The following CSGALNACT1 variants were observed in gnomAD, a reference collection of about 807,000 sequenced individuals.
The protein encoded by CSGALNACT1 is beta4GalNAcT-1.
In CSGALNACT1, 52 loss-of-function variants were observed where a neutral mutation model predicts 51.0. That is an observed-to-expected ratio of 1.02 (90% CI 0.82 to 1.29). The LOEUF is 1.29. CSGALNACT1 is among the 50% of genes most tolerant of loss of function. The pLI is 0.00. For missense variants in CSGALNACT1, 935 were observed against 679.2 expected, an observed-to-expected ratio of 1.38 and a Z score of -4.19; for synonymous variants, 341 against 254.4, an observed-to-expected ratio of 1.34 and a Z score of -3.24.
intron 3 of CSGALNACT1, among the ~76,000 whole-genome samples, chr8:19,551,237 T>C (rs1166253211): frequency 6.6e-6 from 1 of 152,194 alleles, no homozygotes; most frequent in East Asian, 1.9e-4. Flanking sequence ...CAGACAGCAG[T>C]CTGAGTAGGA....
intron 1 of CSGALNACT1, among the ~76,000 whole-genome samples, chr8:19,655,953 T>A (rs1195530359): frequency 1.3e-5 from 2 of 152,066 alleles, no homozygotes; most frequent in African/African-American, 4.8e-5. Flanking sequence ...GGGGTTAGAA[T>A]TGGGGGATTC....
At chr8:19,428,610 C>A (rs1452678767) in intron 6 of CSGALNACT1, among the ~76,000 whole-genome samples, 1 of 152,134 alleles carries the variant, frequency 6.6e-6, no homozygotes, top group Non-Finnish European at 1.5e-5. Flanking sequence ...CCTCAAAAAG[C>A]CTGGGTAAGC....
chr8:19,690,683 G>C (rs943327783), intron 1 of CSGALNACT1, among the ~76,000 whole-genome samples: 3 of 152,188 alleles, frequency 2.0e-5, no homozygotes, highest in South Asian at 2.1e-4. Context: ...TTTGCAGATG[G>C]AGCAATAACG....
chr8:19,640,716 G>C (rs1320800651), intron 1 of CSGALNACT1, among the ~76,000 whole-genome samples: 1 of 152,092 alleles, frequency 6.6e-6, no homozygotes, highest in African/African-American at 2.4e-5. Context: ...CATGAAATTT[G>C]GTCTTTGCCT....
Position 19,714,213 on chromosome 8 carries a change from T to A in CSGALNACT1, c.-297+43637A>T, listed in dbSNP as rs990078958. On this transcript the variant is annotated intron_variant, in intron 1 of 1. Coordinates refer to the CSGALNACT1 transcript ENST00000517494. Reference sequence around the variant, plus strand: ...TTTGTTGTCTGCTGTGTAACCTAACTCCAGCCCTCTAATTTTTCTCCTTGA... The same window carrying A: ...TTTGTTGTCTGCTGTGTAACCTAACACCAGCCCTCTAATTTTTCTCCTTGA... 3.3e-5 allele frequency among the ~76,000 whole-genome samples: 5 copies of A among 152,222 alleles called. No individual in the cohort carries two copies. In the East Asian group the frequency reaches 9.6e-4, roughly 29 times the overall value.
intron 1 of CSGALNACT1, among the ~76,000 whole-genome samples, chr8:19,747,654 C>T (rs957594707): frequency 2.4e-4 from 36 of 152,124 alleles, no homozygotes; most frequent in Non-Finnish European, 4.4e-4. Flanking sequence ...TGAATCAATT[C>T]ACAGTCCACA....
chr8:19,517,629 T>C (rs2079827622), intron 3 of CSGALNACT1, among the ~76,000 whole-genome samples: 1 of 151,994 alleles, frequency 6.6e-6, no homozygotes, highest in Non-Finnish European at 1.5e-5. Flanking sequence ...TGGGGAGGCC[T>C]CACAATCATG....
At chr8:19,622,226 C>G (rs999386606) in intron 1 of CSGALNACT1, among the ~76,000 whole-genome samples, 1 of 152,192 alleles carries the variant, frequency 6.6e-6, no homozygotes, top group African/African-American at 2.4e-5. Flanking sequence ...ATTTGTTGAA[C>G]TTGACTAAAC....
chr8:19,688,402 C>A (rs1389729939), intron 1 of CSGALNACT1, among the ~76,000 whole-genome samples: 1 of 152,122 alleles, frequency 6.6e-6, no homozygotes, highest in Admixed American at 6.5e-5. Flanking sequence ...AGTGGCCACA[C>A]CCTGAAGGGG....
At chr8:19,462,652 C>G (rs979515048) in intron 4 of CSGALNACT1, among the ~76,000 whole-genome samples, 1 of 152,204 alleles carries the variant, frequency 6.6e-6, no homozygotes, top group African/African-American at 2.4e-5. Context: ...AGCACCCAGG[C>G]TCACCCCACA....
intron 3 of CSGALNACT1, among the ~76,000 whole-genome samples, chr8:19,561,495 C>T (rs1229609017): frequency 2.0e-5 from 3 of 152,024 alleles, no homozygotes; most frequent in African/African-American, 7.3e-5. Flanking sequence ...AGGCTCTTCA[C>T]TTGCAAGCCC....
chr8:19,559,667 G>A (rs951616066), intron 3 of CSGALNACT1, among the ~76,000 whole-genome samples: 5 of 151,944 alleles, frequency 3.3e-5, no homozygotes, highest in South Asian at 2.1e-4. Context: ...AAAGCAAACC[G>A]AAAATGAAAT....
chr8:19,632,669 T>G (rs2975421), intron 1 of CSGALNACT1, among the ~76,000 whole-genome samples: 16,452 of 152,250 alleles, frequency 0.11, 1,087 homozygotes, highest in Non-Finnish European at 0.15. Flanking sequence ...ACTGAAATAC[T>G]CACATCTCAG....
At chr8:19,678,909 T>C (rs1589461290) in intron 1 of CSGALNACT1, 3 of 152,150 alleles carry the variant, frequency 2.0e-5, no homozygotes, top group Admixed American at 2.0e-4. Flanking sequence ...CCAATGCAAT[T>C]AGTGGTTACT....
At chr8:19,423,230 T>C (rs528210783) in intron 6 of CSGALNACT1, among the ~76,000 whole-genome samples, 2 of 152,324 alleles carry the variant, frequency 1.3e-5, no homozygotes, top group South Asian at 2.1e-4. Flanking sequence ...AATCTCCCCC[T>C]TGAACAGCCT....
chr8:19,708,196 C>T (rs1225973135), intron 1 of CSGALNACT1, among the ~76,000 whole-genome samples: 1 of 152,108 alleles, frequency 6.6e-6, no homozygotes, highest in Admixed American at 6.5e-5. Flanking sequence ...TTTATTTTGA[C>T]ATTCTAATGG....
intron 4 of CSGALNACT1, among the ~76,000 whole-genome samples, chr8:19,504,375 C>G (rs1306925870): frequency 6.6e-6 from 1 of 152,230 alleles, no homozygotes; most frequent in African/African-American, 2.4e-5. Flanking sequence ...TGCACCCGGC[C>G]AGATGAATTA....
At chr8:19,429,823 C>T (rs143108310) in intron 6 of CSGALNACT1, among the ~76,000 whole-genome samples, 2 of 152,334 alleles carry the variant, frequency 1.3e-5, no homozygotes, top group African/African-American at 4.8e-5. Context: ...ACAGTGGCTG[C>T]ACCATTTTTC....
intron 3 of CSGALNACT1, among the ~76,000 whole-genome samples, chr8:19,553,957 C>G (rs545261348): frequency 1.9e-4 from 28 of 151,174 alleles, no homozygotes; most frequent in Non-Finnish European, 3.4e-4. Context: ...GAAGATAAAC[C>G]TGAAGATATC....
Sources: allele counts gnomAD v4.1 joint callset (sites outside exome capture counted in the v4.1 genomes callset), GRCh38; gene constraint gnomAD v4.1.1; transcripts MANE v1.5; gene names NCBI Gene and HGNC (gene_info 2026-07-23, HGNC 2026-07-21).